Variants in RBFOX1 observed in about 807,000 individuals in gnomAD.
The protein encoded by RBFOX1 is RNA binding protein fox-1 homolog 1.
In RBFOX1, 8 loss-of-function variants were observed where a neutral mutation model predicts 57.7. That is an observed-to-expected ratio of 0.14 (90% confidence interval 0.08 to 0.25). The LOEUF (loss-of-function observed/expected upper bound fraction) is 0.25. Ranked by LOEUF, RBFOX1 falls within the 10% of genes least tolerant of loss-of-function variation. The probability of loss-of-function intolerance (pLI) is 1.00; values close to 1 mark genes in which losing one functional copy is unlikely to be tolerated. For missense variants in RBFOX1, 611 were observed against 548.5 expected (o/e 1.11, Z -1.14); for synonymous variants, 326 against 222.4 (o/e 1.47, Z -4.15).
intron 2 of RBFOX1, among the ~76,000 whole-genome samples, chr16:6,470,901 T>C (rs2095159491): frequency 6.6e-6 from 1 of 152,236 alleles, no homozygotes; most frequent in African/African-American, 2.4e-5. Flanking sequence ...ATTATACCGT[T>C]ACTGCTGTGT....
At chr16:5,825,498 G>A (rs1342873715) in intron 3 of RBFOX1, among the ~76,000 whole-genome samples, 2 of 152,170 alleles carry the variant, frequency 1.3e-5, no homozygotes, top group Admixed American at 6.5e-5. Context: ...ATCAAATTTA[G>A]GAGCATTCAT....
In RBFOX1 at chr16:6,097,294, A is replaced by G. The variant is rs534095738; in HGVS notation, c.-127+77302A>G. ...TCATGTATGTCTTTATCAGCAGCAT[A>G]AAAACAGACTAACATAACCCCCCTT... On this transcript the variant is annotated intron_variant, in intron 1 of 15. Coordinates refer to ENST00000550418, the MANE Select transcript of RBFOX1 (RefSeq NM_018723.4). The surrounding 1 kb of genome is among the most constrained non-coding windows in gnomAD (Gnocchi z 5.0). 2.0e-5 allele frequency among the ~76,000 whole-genome samples: 3 copies of G among 152,298 alleles called. No individual in the cohort carries two copies. In the South Asian group the frequency reaches 6.2e-4, roughly 32 times the overall value.
chr16:6,637,391 T>A (rs370094840), intron 2 of RBFOX1, among the ~76,000 whole-genome samples: 1 of 5,814 alleles, frequency 1.7e-4, no homozygotes, highest in African/African-American at 2.5e-4. Context: ...AAATATATAT[T>A]ATATATTAAA....
chr16:6,288,511 G>T (rs1255332348), intron 1 of RBFOX1, among the ~76,000 whole-genome samples: 1 of 152,102 alleles, frequency 6.6e-6, no homozygotes, highest in African/African-American at 2.4e-5. Flanking sequence ...ACATGATTTT[G>T]TGACAAACCA....
chr16:6,885,920 A>C (rs2063912423), intron 3 of RBFOX1, among the ~76,000 whole-genome samples: 2 of 152,156 alleles, frequency 1.3e-5, no homozygotes, highest in African/African-American at 4.8e-5. Context: ...GACTTTATTA[A>C]CCCAATAATA....
At chr16:7,613,598 C>A (rs886516673) in intron 10 of RBFOX1, among the ~76,000 whole-genome samples, 1 of 152,012 alleles carries the variant, frequency 6.6e-6, no homozygotes, top group Non-Finnish European at 1.5e-5. Flanking sequence ...CTCAAAAGGG[C>A]AACTGTATTT....
intron 3 of RBFOX1, among the ~76,000 whole-genome samples, chr16:6,828,182 C>T (rs908408721): frequency 6.6e-6 from 1 of 152,146 alleles, no homozygotes; most frequent in Non-Finnish European, 1.5e-5. Flanking sequence ...GGAGTCTCAG[C>T]ACTTCCCTTG....
intron 3 of RBFOX1, among the ~76,000 whole-genome samples, chr16:6,828,441 T>A (rs750905492): frequency 6.6e-5 from 10 of 151,848 alleles, no homozygotes; most frequent in Non-Finnish European, 1.3e-4. Context: ...GGAGAATCAC[T>A]TGAACCCAGG....
At chr16:6,625,322 A>G (rs959972717) in intron 2 of RBFOX1, among the ~76,000 whole-genome samples, 17 of 152,290 alleles carry the variant, frequency 1.1e-4, no homozygotes, top group African/African-American at 3.8e-4. Context: ...GAACTAAAAA[A>G]TGTAGCTAAT....
At chr16:7,165,352 T>C (rs1190197360) in intron 4 of RBFOX1, among the ~76,000 whole-genome samples, 1 of 146,638 alleles carries the variant, frequency 6.8e-6, no homozygotes, top group Non-Finnish European at 1.5e-5. Flanking sequence ...AAAATGGACT[T>C]AATGGCTACT....
chr16:6,838,080 A>G (rs1465753488), intron 3 of RBFOX1, among the ~76,000 whole-genome samples: 1 of 151,688 alleles, frequency 6.6e-6, no homozygotes, highest in East Asian at 1.9e-4. Flanking sequence ...TTACAAAGGT[A>G]TACATGTGTT....
At chr16:5,659,421 G>T (rs958539116) in intron 3 of RBFOX1, among the ~76,000 whole-genome samples, 1 of 150,358 alleles carries the variant, frequency 6.7e-6, no homozygotes, top group African/African-American at 2.4e-5. Context: ...CTCCTGCCTC[G>T]GCCTCCTGAG....
intron 4 of RBFOX1, among the ~76,000 whole-genome samples, chr16:7,218,282 T>C (rs961080019): frequency 6.6e-6 from 1 of 152,206 alleles, no homozygotes. Flanking sequence ...AAGATGTAGA[T>C]GGTGGTACTA....
intron 1 of RBFOX1, among the ~76,000 whole-genome samples, chr16:6,054,479 G>A (rs1453679116): frequency 1.3e-5 from 2 of 152,098 alleles, no homozygotes; most frequent in Non-Finnish European, 2.9e-5. Context: ...GACTAACTCC[G>A]GCTTTGAGAG....
At chr16:7,454,732 G>A (rs959284168) in intron 4 of RBFOX1, among the ~76,000 whole-genome samples, 17 of 152,170 alleles carry the variant, frequency 1.1e-4, no homozygotes, top group African/African-American at 3.6e-4. Flanking sequence ...ACCATCTCTC[G>A]ATGTATACAT....
At chr16:7,062,892 CATTTTTTTTT>C (rs1362419146) in intron 4 of RBFOX1, among the ~76,000 whole-genome samples, 6 of 59,948 alleles carry the variant, frequency 1.0e-4, no homozygotes, top group Admixed American at 2.4e-4. Context: ...AAATGATCGC[CATTTTTTTTT>C]TTTTTTTTTT....
intron 4 of RBFOX1, among the ~76,000 whole-genome samples, chr16:7,497,643 C>G (rs943961317): frequency 6.6e-6 from 1 of 152,194 alleles, no homozygotes; most frequent in African/African-American, 2.4e-5. Flanking sequence ...AAAGGTACCT[C>G]TAGTGCATTT....
rs550445817 is a variant in RBFOX1, at chr16:6,295,160, C to T, written c.-126-21835C>T. On this transcript the variant is annotated intron_variant, in intron 1 of 15. Transcript: ENST00000550418. ...GTATCTCTCTGTCGGAGTCTCTCTC[C>T]ATCGCCAGGCTGGAGTGCAGTGGTG... 4.1e-3 allele frequency among the ~76,000 whole-genome samples: 600 copies of T among 144,952 alleles called. 12 individuals carry two copies. The highest frequency in any genetic ancestry group is 0.015 in the African/African-American group (566 of 38,276).
At chr16:5,463,725 A>G (rs1052586182) in intron 1 of RBFOX1, among the ~76,000 whole-genome samples, 1 of 151,532 alleles carries the variant, frequency 6.6e-6, no homozygotes, top group Non-Finnish European at 1.5e-5. Flanking sequence ...GCTTGAACCC[A>G]GGAGATGGAG....
Sources: allele counts gnomAD v4.1 joint callset (sites outside exome capture counted in the v4.1 genomes callset), GRCh38; gene constraint gnomAD v4.1.1; non-coding constraint Gnocchi (gnomAD v3.1); transcripts MANE v1.5; gene names NCBI Gene and HGNC (gene_info 2026-07-23, HGNC 2026-07-21).